MAGI2: variants seen among roughly 807,000 people sequenced by gnomAD.
The protein encoded by MAGI2 is membrane associated guanylate kinase, WW and PDZ domain containing 2, also known as membrane-associated guanylate kinase, WW and PDZ domain-containing protein 2.
MAGI2 carries 35 observed loss-of-function variants against 133.3 expected under a neutral mutation model. That is an observed-to-expected ratio of 0.26 (90% confidence interval 0.20 to 0.35). The LOEUF is 0.35. MAGI2 is among the 10% of genes least tolerant of loss of function. The pLI is 1.00. For synonymous variants in MAGI2, 729 were observed against 710.6 expected (o/e 1.03, Z -0.41); for missense variants, 1,636 against 1,863.4 (o/e 0.88, Z 2.25).
intron 3 of MAGI2, among the ~76,000 whole-genome samples, chr7:78,524,652 A>T (rs1796797289): frequency 6.6e-6 from 1 of 152,332 alleles, no homozygotes; most frequent in Non-Finnish European, 1.5e-5. Context: ...AGAGCATTTA[A>T]AATAAATCAG....
chr7:78,993,849 T>TAA (rs5885105), intron 2 of MAGI2, among the ~76,000 whole-genome samples: 1 of 151,040 alleles, frequency 6.6e-6, no homozygotes, highest in African/African-American at 2.4e-5. Context: ...TTGAAAGCAA[T>TAA]AAAAAAAAAT....
chr7:78,263,689 C>T (rs1005138955), intron 9 of MAGI2, among the ~76,000 whole-genome samples: 9 of 152,266 alleles, frequency 5.9e-5, no homozygotes, highest in African/African-American at 1.4e-4. Context: ...GCACTAGATA[C>T]TGCCTTCTAC....
chr7:78,877,826 G>A (rs953332380), intron 2 of MAGI2, among the ~76,000 whole-genome samples: 5 of 152,120 alleles, frequency 3.3e-5, no homozygotes, highest in Admixed American at 2.0e-4. Context: ...CAGGATAATT[G>A]CGTTTTTCAG....
rs538706825 is a variant in MAGI2 at position 78,487,657 on chromosome 7, C to A, written c.1045+2104G>T. Reference sequence around the variant, plus strand: ...CACTCAAAGAACAGGGCAAACTCAACCCAACCTCACGTTGGCTCAGTTCTG... The same window carrying A: ...CACTCAAAGAACAGGGCAAACTCAAACCAACCTCACGTTGGCTCAGTTCTG... On this transcript the variant is annotated intron_variant, in intron 6 of 21. Transcript: ENST00000354212. Among the ~76,000 whole-genome samples the A allele has an allele frequency of 8.7e-4, 132 of 152,186 alleles. 3 individuals carry two copies. The South Asian group carries it at 0.026, about 30-fold the overall frequency.
At chr7:78,987,037 A>C (rs1282042234) in intron 2 of MAGI2, among the ~76,000 whole-genome samples, 1 of 152,016 alleles carries the variant, frequency 6.6e-6, no homozygotes, top group Non-Finnish European at 1.5e-5. Context: ...CAGCCCCCAA[A>C]TTAAGAGAAC....
At chr7:79,167,289 C>T (rs1354840916) in intron 1 of MAGI2, among the ~76,000 whole-genome samples, 1 of 151,026 alleles carries the variant, frequency 6.6e-6, no homozygotes, top group African/African-American at 2.4e-5. Flanking sequence ...ATAGCCCCTC[C>T]ACTCCTCTGA....
At chr7:79,236,512 C>T (rs1377380603) in intron 1 of MAGI2, among the ~76,000 whole-genome samples, 1 of 152,218 alleles carries the variant, frequency 6.6e-6, no homozygotes, top group Non-Finnish European at 1.5e-5. Flanking sequence ...CAGCACAAAG[C>T]AGCATGTCTG....
At chr7:78,528,428 A>T (rs1160272624) in intron 3 of MAGI2, among the ~76,000 whole-genome samples, 1 of 152,224 alleles carries the variant, frequency 6.6e-6, no homozygotes, top group Non-Finnish European at 1.5e-5. Context: ...GACATGTTTA[A>T]CATATTAAAC....
At chr7:78,620,665 G>T (rs2150938158) in intron 3 of MAGI2, among the ~76,000 whole-genome samples, 1 of 152,076 alleles carries the variant, frequency 6.6e-6, no homozygotes, top group South Asian at 2.1e-4. Context: ...GGAGGGAAAT[G>T]TCGTATTTGT....
At chr7:78,122,801 C>T (rs918942176) in intron 20 of MAGI2, among the ~76,000 whole-genome samples, 1 of 152,004 alleles carries the variant, frequency 6.6e-6, no homozygotes, top group Non-Finnish European at 1.5e-5. Flanking sequence ...TCTTACATTC[C>T]CTGTTTTACT....
chr7:78,225,740 C>G (rs1294021390), intron 10 of MAGI2, among the ~76,000 whole-genome samples: 1 of 152,190 alleles, frequency 6.6e-6, no homozygotes, highest in Non-Finnish European at 1.5e-5. Flanking sequence ...CAATTTCTTT[C>G]TAAACAGTCC....
intron 6 of MAGI2, among the ~76,000 whole-genome samples, chr7:78,481,256 C>T (rs1289087508): frequency 6.6e-6 from 1 of 151,886 alleles, no homozygotes; most frequent in Non-Finnish European, 1.5e-5. Context: ...CCTCAGAAAA[C>T]TTATAATCAT....
At chr7:78,729,201 C>G (rs1821129147) in intron 2 of MAGI2, among the ~76,000 whole-genome samples, 1 of 152,126 alleles carries the variant, frequency 6.6e-6, no homozygotes, top group African/African-American at 2.4e-5. Context: ...ATCCAAACCA[C>G]TGGGATACAA....
At chr7:78,484,382 A>C (rs1045411749) in intron 6 of MAGI2, 4 of 151,306 alleles carry the variant, frequency 2.6e-5, no homozygotes, top group African/African-American at 9.7e-5. Flanking sequence ...ATTGAAATGC[A>C]CTACTCATGC....
chr7:78,980,804 T>A (rs1406580792), intron 2 of MAGI2, among the ~76,000 whole-genome samples: 2 of 151,774 alleles, frequency 1.3e-5, no homozygotes, highest in Non-Finnish European at 2.9e-5. Context: ...AATATTGGAG[T>A]ATATTGTTTA....
chr7:78,152,265 A>G (rs1444088731), intron 16 of MAGI2, among the ~76,000 whole-genome samples: 1 of 152,190 alleles, frequency 6.6e-6, no homozygotes. Flanking sequence ...AAGCATACCA[A>G]GTGACAACAG....
intron 3 of MAGI2, among the ~76,000 whole-genome samples, chr7:78,571,811 T>C (rs543908160): frequency 1.3e-5 from 2 of 152,342 alleles, no homozygotes; most frequent in African/African-American, 4.8e-5. Flanking sequence ...AATGAGTTAG[T>C]TTCTAGCCTC....
At chr7:79,357,318 T>C (rs1842086826) in intron 1 of MAGI2, among the ~76,000 whole-genome samples, 1 of 152,128 alleles carries the variant, frequency 6.6e-6, no homozygotes, top group African/African-American at 2.4e-5. Flanking sequence ...TTTTGCTCAC[T>C]GAACCAGGCA....
Position 78,537,206 on chromosome 7 carries a change from C to G in MAGI2, c.539-15561G>C, listed in dbSNP as rs76307602. ...ACACACACACACACACACACACACA[C>G]AGACACATTTTCTTTATCCACTCAT... On this transcript the variant is annotated intron_variant, in intron 3 of 21. Coordinates refer to ENST00000354212, the MANE Select transcript of MAGI2 (RefSeq NM_012301.4). Among the ~76,000 whole-genome samples, 759 of 148,428 alleles carry G rather than the reference C, an allele frequency of 5.1e-3. 21 individuals are homozygous for G. In the East Asian group the frequency reaches 0.083, roughly 16 times the overall value.
Sources: allele counts gnomAD v4.1 joint callset (sites outside exome capture counted in the v4.1 genomes callset), GRCh38; gene constraint gnomAD v4.1.1; transcripts MANE v1.5; gene names NCBI Gene and HGNC (gene_info 2026-07-23, HGNC 2026-07-21).